PTBP3: variants seen among roughly 807,000 people sequenced by gnomAD.
PTBP3 encodes polypyrimidine tract-binding protein 3.
PTBP3 carries 20 observed loss-of-function variants against 58.7 expected under a neutral mutation model. The observed-to-expected ratio is 0.34, with a 90% confidence interval of 0.24 to 0.50. The LOEUF (loss-of-function observed/expected upper bound fraction) is 0.50. Ranked by LOEUF, PTBP3 falls within the 20% of genes least tolerant of loss-of-function variation. The probability of loss-of-function intolerance (pLI) is 0.98; values close to 1 mark genes in which losing one functional copy is unlikely to be tolerated. For synonymous variants in PTBP3, 185 were observed against 219.8 expected (o/e 0.84, Z 1.40); for missense variants, 509 against 637.2 (o/e 0.80, Z 2.17).
the PTBP3 span, among the ~76,000 whole-genome samples, chr9:112,375,590 C>A: frequency 6.6e-6 from 1 of 152,184 alleles, no homozygotes; most frequent in Non-Finnish European, 1.5e-5. Context: ...CATGAGGCCA[C>A]TGGTGCAGGC....
chr9:112,348,719 C>G, the PTBP3 span, among the ~76,000 whole-genome samples: 1 of 152,234 alleles, frequency 6.6e-6, no homozygotes, highest in Non-Finnish European at 1.5e-5. Context: ...CATTCCTGCT[C>G]TAAAACTTGC....
At chr9:112,226,102 A>G (rs1834978715) in intron 12 of PTBP3, among the ~76,000 whole-genome samples, 1 of 152,092 alleles carries the variant, frequency 6.6e-6, no homozygotes, top group Non-Finnish European at 1.5e-5. Flanking sequence ...TGCCTGCCTC[A>G]GTATCTAATT....
At chr9:112,348,890 T>G in the PTBP3 span, among the ~76,000 whole-genome samples, 308 of 152,242 alleles carry the variant, frequency 2.0e-3, no homozygotes, top group Non-Finnish European at 3.6e-3. Flanking sequence ...GGCAGCAAAC[T>G]CCACTCACGG....
intron 1 of PTBP3, among the ~76,000 whole-genome samples, chr9:112,324,144 GAAAA>G (rs891546729): frequency 6.7e-6 from 1 of 149,380 alleles, no homozygotes; most frequent in African/African-American, 2.5e-5. Context: ...AAAAGGAAAA[GAAAA>G]AAAAAGACAA....
chr9:112,312,431 A>C (rs923781847), intron 1 of PTBP3, among the ~76,000 whole-genome samples: 27 of 150,476 alleles, frequency 1.8e-4, no homozygotes, highest in Non-Finnish European at 3.7e-4. Flanking sequence ...CAGGAGATCA[A>C]GGCTGCTGTG....
intron 5 of PTBP3, among the ~76,000 whole-genome samples, chr9:112,256,250 G>A (rs1471742387): frequency 3.1e-5 from 3 of 95,612 alleles, no homozygotes; most frequent in South Asian, 3.7e-4. Flanking sequence ...GAGAAACTCC[G>A]TCTCAAAAAA....
chr9:112,267,875 T>C (rs1316392928), intron 4 of PTBP3, among the ~76,000 whole-genome samples, 174 bp downstream of exon 4: 1 of 152,206 alleles, frequency 6.6e-6, no homozygotes, highest in Non-Finnish European at 1.5e-5. Flanking sequence ...TATTTCTAAA[T>C]GGCACTGCTT....
At chr9:112,309,799 A>AT (rs1241434203) in intron 1 of PTBP3, among the ~76,000 whole-genome samples, 73 of 151,524 alleles carry the variant, frequency 4.8e-4, no homozygotes, top group African/African-American at 1.3e-3. Context: ...AAAAAAAAAA[A>AT]AAAAATTGAG....
intron 7 of PTBP3, among the ~76,000 whole-genome samples, chr9:112,249,059 T>G (rs1248134972): frequency 1.3e-5 from 2 of 152,168 alleles, no homozygotes; most frequent in African/African-American, 4.8e-5. Context: ...AGCTTTAAAA[T>G]TTTTCTAATG....
At chr9:112,331,082 A>AACACAC (rs10660591) in intron 1 of PTBP3, among the ~76,000 whole-genome samples, 16,004 of 139,332 alleles carry the variant, frequency 0.11, 991 homozygotes, top group East Asian at 0.15. Context: ...GGAGGAAACG[A>AACACAC]ACACACACAC....
upstream of PTBP3, among the ~76,000 whole-genome samples, chr9:112,338,560 C>G (rs1382409819): frequency 6.6e-6 from 1 of 152,104 alleles, no homozygotes; most frequent in Non-Finnish European, 1.5e-5. Flanking sequence ...TAAACAATAA[C>G]AAACATCAAA....
chr9:112,250,332 G>A (rs1189489641), intron 7 of PTBP3, among the ~76,000 whole-genome samples: 1 of 152,064 alleles, frequency 6.6e-6, no homozygotes, highest in African/African-American at 2.4e-5. Flanking sequence ...GCCATCCATT[G>A]CTTTTTCCTT....
rs1372621299 is a variant in PTBP3 at position 112,277,974 on chromosome 9, AACAT to A, written c.35-1965_35-1962del. Among the ~76,000 whole-genome samples, 335 of 150,660 alleles carry A rather than the reference AACAT, an allele frequency of 2.2e-3. 1 individual carries two copies. Among genetic ancestry groups the A allele is most frequent in the African/African-American group, 8.0e-3 (322 of 40,368 alleles). On this transcript the variant is annotated intron_variant, in intron 2 of 13. Transcript: ENST00000374257. ...AACATAACATAACATAACATAACATAACATAATGTATATCATGTCATTATTCTGC... is the reference window on the plus strand; with the variant it reads ...AACATAACATAACATAACATAACATAAATGTATATCATGTCATTATTCTGC...
chr9:112,270,849 G>C (rs1215242548), intron 3 of PTBP3, among the ~76,000 whole-genome samples: 1 of 152,126 alleles, frequency 6.6e-6, no homozygotes, highest in African/African-American at 2.4e-5. Context: ...TAGGAGTCTT[G>C]CTCTGTAGCC....
chr9:112,247,552 C>CAA (rs55882131), intron 7 of PTBP3, among the ~76,000 whole-genome samples: 1 of 138,100 alleles, frequency 7.2e-6, no homozygotes, highest in African/African-American at 2.6e-5. Flanking sequence ...AAAAAAATGA[C>CAA]AAAAAAAAAA....
intron 1 of PTBP3, among the ~76,000 whole-genome samples, chr9:112,332,536 C>T (rs1240281506): frequency 6.6e-6 from 1 of 151,914 alleles, no homozygotes; most frequent in Admixed American, 6.6e-5. Context: ...GGGAATAAAC[C>T]GAGTTGGAGA....
intron 1 of PTBP3, among the ~76,000 whole-genome samples, chr9:112,308,685 C>T (rs898646114): frequency 6.6e-5 from 10 of 152,040 alleles, no homozygotes; most frequent in African/African-American, 1.7e-4. Context: ...TTAATGTATA[C>T]AAAAGAAGGC....
At chr9:112,314,170 T>G (rs899004126) in intron 1 of PTBP3, among the ~76,000 whole-genome samples, 8 of 152,150 alleles carry the variant, frequency 5.3e-5, no homozygotes, top group Non-Finnish European at 1.0e-4. Context: ...CCTTGGGAAG[T>G]ACTGGACCAA....
At position 112,320,291 on chromosome 9, in the gene PTBP3, A is replaced by AAAAAATATATATATATAT. The variant is rs1411646280; in HGVS notation, c.-52+13178_-52+13179insATATATATATATATTTTT. 1.1e-3 allele frequency among the ~76,000 whole-genome samples: 78 copies of AAAAAATATATATATATAT among 73,464 alleles called. 1 individual carries two copies. The highest frequency in any genetic ancestry group is 5.0e-3 in the African/African-American group (55 of 11,004). 48.2% of individuals were successfully genotyped at this position (73,464 alleles called of 152,430 possible). The stretch of plus-strand genomic sequence containing the variant: ...AGACCCTTTCTCTTAAAAAAAAAAA[A>AAAAAATATATATATATAT]ATATATATATATATATATATATATT... On this transcript the variant is annotated intron_variant, in intron 1 of 13. Coordinates refer to ENST00000374257, the MANE Select transcript of PTBP3 (RefSeq NM_001163788.4).
Sources: gnomAD v4.1 joint callset for allele counts (sites outside exome capture counted in the v4.1 genomes callset) on GRCh38, gnomAD v4.1.1 for gene constraint, MANE v1.5 for transcripts, NCBI Gene and HGNC (gene_info 2026-07-23, HGNC 2026-07-21) for gene names.